SLC38A4: variants seen among roughly 807,000 people sequenced by gnomAD.
SLC38A4 encodes sodium-coupled neutral amino acid transporter 4.
A neutral mutation model predicts 63.1 loss-of-function variants in SLC38A4; 20 were observed. The ratio of observed to expected loss-of-function variants is 0.32; its 90% confidence interval spans 0.22 to 0.46. The LOEUF (loss-of-function observed/expected upper bound fraction) is 0.46, where lower values mean the gene tolerates loss of function less well. SLC38A4 is among the 20% of genes least tolerant of loss of function. The pLI, the probability that SLC38A4 is intolerant of heterozygous loss-of-function variation, is 1.00. For missense variants in SLC38A4, 526 were observed against 663.6 expected (o/e 0.79, Z 2.28); for synonymous variants, 230 against 225.5 (o/e 1.02, Z -0.18).
chr12:46,788,162 A>T, intron 4 of SLC38A4, 131 bp from the exon 5 acceptor site: 2 of 641,558 alleles, frequency 3.1e-6, no homozygotes, highest in Non-Finnish European at 2.7e-6. Context: ...ACAGGAGTAA[A>T]GCCATTACTC....
chr12:46,798,723 A>G (rs1289706700), intron 2 of SLC38A4, among the ~76,000 whole-genome samples: 1 of 152,276 alleles, frequency 6.6e-6, no homozygotes, highest in Middle Eastern at 3.4e-3. Context: ...TATGGCACTT[A>G]CCACATGCCA....
At chr12:46,767,050 G>T (rs1415236071) in intron 16 of SLC38A4, among the ~76,000 whole-genome samples, 3 of 152,012 alleles carry the variant, frequency 2.0e-5, no homozygotes, top group African/African-American at 7.2e-5. Context: ...AGTACACCAA[G>T]ATGATGGAAT....
At chr12:46,791,593 T>C (rs1201167842) in intron 3 of SLC38A4, among the ~76,000 whole-genome samples, 1 of 152,206 alleles carries the variant, frequency 6.6e-6, no homozygotes, top group African/African-American at 2.4e-5. Context: ...AATTCCCTTC[T>C]GAGCATCTTA....
intron 2 of SLC38A4, among the ~76,000 whole-genome samples, chr12:46,802,578 T>C (rs760394897): frequency 1.3e-5 from 2 of 152,044 alleles, no homozygotes; most frequent in Non-Finnish European, 2.9e-5. Context: ...GGAGTACAAA[T>C]GTAAATACTT....
chr12:46,831,380 C>T (rs988579216), intron 1 of SLC38A4, among the ~76,000 whole-genome samples: 1 of 152,226 alleles, frequency 6.6e-6, no homozygotes, highest in African/African-American at 2.4e-5. Flanking sequence ...TCCATCAGCT[C>T]TAACCTGTAA....
intron 5 of SLC38A4, 60 bp downstream of exon 5, chr12:46,787,856 A>G (rs1005931028): frequency 1.6e-5 from 20 of 1,270,960 alleles, no homozygotes; most frequent in Non-Finnish European, 2.2e-5. Context: ...TTGTTAATTG[A>G]AAAAGCCACC....
chr12:46,822,359 C>T (rs1208455995), intron 1 of SLC38A4, among the ~76,000 whole-genome samples: 1 of 152,072 alleles, frequency 6.6e-6, no homozygotes, highest in African/African-American at 2.4e-5. Context: ...TTGTTTCTGT[C>T]TCAGTGGGTG....
At chr12:46,782,760 G>A (rs1349750707) in intron 7 of SLC38A4, among the ~76,000 whole-genome samples, 1 of 151,012 alleles carries the variant, frequency 6.6e-6, no homozygotes. Context: ...CCTCACAATA[G>A]CCTTTGTAAG....
chr12:46,766,717 T>C lies in SLC38A4; in HGVS notation c.1628A>G (p.Asn543Ser). Residue 543 changes from asparagine to serine, a missense_variant, in exon 17 of 17, where the codon AAT becomes AGT. By Grantham distance (46) the Asn-to-Ser change is conservative. Transcript: ENST00000266579. ...TTCCTTGTGTTAGTGATGCTTGGAA[T>C]TTGGAGGATCATAAATCCAGTCAAT... ...IIIDWIYDPP[N>S]SKHH 1 of 1,609,630 alleles carries C rather than the reference T, an allele frequency of 6.2e-7. No individual in the cohort carries two copies. Among genetic ancestry groups the C allele is most frequent in the Non-Finnish European group, 8.5e-7 (1 of 1,176,714 alleles).
At chr12:46,782,202 C>T (rs1464210726) in intron 7 of SLC38A4, among the ~76,000 whole-genome samples, 2 of 151,952 alleles carry the variant, frequency 1.3e-5, no homozygotes, top group African/African-American at 4.8e-5. Flanking sequence ...TTCCAGAAAT[C>T]CTTGATAACT....
chr12:46,768,271 G>T, intron 16 of SLC38A4, 39 bp downstream of exon 16: 1 of 1,407,070 alleles, frequency 7.1e-7, no homozygotes. Context: ...GTAGTTGGAA[G>T]AACAACTAAT....
upstream of SLC38A4, among the ~76,000 whole-genome samples, chr12:46,828,341 A>G (rs1290500386): frequency 6.6e-6 from 1 of 151,916 alleles, no homozygotes; most frequent in Non-Finnish European, 1.5e-5. Flanking sequence ...TGTTTGTTTG[A>G]GATGGAGTCT....
intron 1 of SLC38A4, among the ~76,000 whole-genome samples, chr12:46,820,213 T>C (rs1939514456): frequency 6.6e-6 from 1 of 151,964 alleles, no homozygotes; most frequent in Non-Finnish European, 1.5e-5. Context: ...TAACATGAAA[T>C]CTACCCTATT....
rs779900547 is a variant in SLC38A4, at chr12:46,766,687, T to A, written c.*14A>T. Reference sequence around the variant, plus strand: ...AACCATTTCCAATAGAAAAAGAAAGTATTTTTCCTTGTGTTAGTGATGCTT... The same window carrying A: ...AACCATTTCCAATAGAAAAAGAAAGAATTTTTCCTTGTGTTAGTGATGCTT... On this transcript the variant is annotated 3_prime_UTR_variant, in exon 17 of 17. Transcript: ENST00000266579. 5 of 1,518,676 alleles carry A rather than the reference T, an allele frequency of 3.3e-6. No individual in the cohort carries two copies. The highest frequency in any genetic ancestry group is 4.6e-6 in the Non-Finnish European group (5 of 1,096,122). 94.1% of individuals were successfully genotyped at this position (1,518,676 alleles called of 1,614,324 possible).
chr12:46,807,670 G>A (rs1001561064), intron 1 of SLC38A4, among the ~76,000 whole-genome samples: 1 of 151,868 alleles, frequency 6.6e-6, no homozygotes, highest in Non-Finnish European at 1.5e-5. Flanking sequence ...ATAGAAAAAT[G>A]TTACAGAAAT....
chr12:46,817,901 A>G (rs558948704), intron 1 of SLC38A4, among the ~76,000 whole-genome samples: 138 of 152,058 alleles, frequency 9.1e-4, no homozygotes, highest in African/African-American at 3.2e-3. Context: ...GTAATAGAAA[A>G]TTATTATTAA....
intron 1 of SLC38A4, among the ~76,000 whole-genome samples, chr12:46,808,702 G>A (rs1455696331): frequency 6.6e-6 from 1 of 151,924 alleles, no homozygotes; most frequent in East Asian, 1.9e-4. Flanking sequence ...ATGTAACAAG[G>A]TCTATAGGAC....
rs1260891944 is a variant in SLC38A4 at position 46,779,596 on chromosome 12, C to T, written c.717+15G>A. The T allele has an allele frequency of 1.3e-6, 2 of 1,591,466 alleles. No individual in the cohort carries two copies. The highest frequency in any genetic ancestry group is 1.7e-6 in the Non-Finnish European group (2 of 1,172,904). ...GCTAACCAACCTGCAAGGATCATGT[C>T]ATCACATCACTTACCACACTAACAA... On this transcript the variant is annotated intron_variant, in intron 10 of 16. Transcript: ENST00000266579.
intron 7 of SLC38A4, among the ~76,000 whole-genome samples, chr12:46,781,608 A>G (rs931807167): frequency 6.6e-6 from 1 of 152,088 alleles, no homozygotes; most frequent in Non-Finnish European, 1.5e-5. Context: ...GAGAAATACA[A>G]GTGATTTCTC....
Sources: allele counts gnomAD v4.1 joint callset (sites outside exome capture counted in the v4.1 genomes callset), GRCh38; gene constraint gnomAD v4.1.1; transcripts MANE v1.5; gene names NCBI Gene and HGNC (gene_info 2026-07-23, HGNC 2026-07-21).